BLM: variants seen among roughly 807,000 people sequenced by gnomAD.
BLM encodes BLM RecQ like helicase, also known as recQ-like DNA helicase BLM.
In BLM, 95 loss-of-function variants were observed where a neutral mutation model predicts 135.3. The observed-to-expected ratio is 0.70, with a 90% CI of 0.59 to 0.83. BLM has a LOEUF of 0.83. Ranked by LOEUF, BLM falls within the 40% of genes least tolerant of loss-of-function variation. The pLI is 0.00. For missense variants in BLM, 1,518 were observed against 1,663.9 expected (o/e 0.91, Z 1.53); for synonymous variants, 520 against 589.2 (o/e 0.88, Z 1.70).
chr15:90,747,784 G>A (rs1243830111), intron 2 of BLM: 1 of 340,798 alleles, frequency 2.9e-6, no homozygotes, highest in Non-Finnish European at 5.5e-6. Flanking sequence ...TAAGTTTTGG[G>A]GGGTTTTTTT....
At position 90,778,588 on chromosome 15, in the gene BLM, G is replaced by T. The variant is rs78574772; in HGVS notation, c.2556-4234G>T. ...TAATCTGCTTTCTATGTATAGATTT[G>T]CCTACTCTGGGTATCTCGTGTAAAT... On this transcript the variant is annotated intron_variant, in intron 12 of 21. Coordinates refer to ENST00000355112, the MANE Select transcript of BLM (RefSeq NM_000057.4). Among the ~76,000 whole-genome samples, 721 of 152,130 alleles carry T rather than the reference G, an allele frequency of 4.7e-3. 12 individuals are homozygous for T. Among genetic ancestry groups the T allele is most frequent in the East Asian group, 0.03 (155 of 5,182 alleles).
intron 1 of BLM, among the ~76,000 whole-genome samples, chr15:90,737,541 A>C (rs971870561): frequency 6.6e-6 from 1 of 152,230 alleles, no homozygotes; most frequent in African/African-American, 2.4e-5. Context: ...GTAATAAGAA[A>C]GTGCCTGATG....
At chr15:90,733,279 A>T (rs1355626759) in intron 1 of BLM, among the ~76,000 whole-genome samples, 1 of 152,202 alleles carries the variant, frequency 6.6e-6, no homozygotes, top group African/African-American at 2.4e-5. Flanking sequence ...ACTAAAATGA[A>T]ATGGATAATT....
In BLM at chr15:90,732,989, A is replaced by G. The variant is rs186799436; in HGVS notation, c.-4-14400A>G. Among the ~76,000 whole-genome samples, 269 of 152,306 alleles carry G rather than the reference A, an allele frequency of 1.8e-3. 1 individual carries two copies. Among genetic ancestry groups the G allele is most frequent in the African/African-American group, 5.8e-3 (243 of 41,576 alleles). On this transcript the variant is annotated intron_variant, in intron 1 of 21. Coordinates refer to ENST00000355112, the MANE Select transcript of BLM (RefSeq NM_000057.4). ...GCACCTGTAATCCCAGCTACTCGGG[A>G]TGCTGAGGCAGGAGAATTGCTTGAA...
At position 90,749,712 on chromosome 15, in the gene BLM, A is replaced by G; in HGVS notation, c.444A>G (p.Leu148=). ...KLEFSSSPDS[L]STINDWDDMD... The stretch of plus-strand genomic sequence containing the variant: ...AATTTAGTTCTTCACCAGATTCTTT[A>G]AGTACCATCAATGATTGGGATGATA... Residue 148 remains leucine, a synonymous_variant, in exon 3 of 22, where the codon TTA becomes TTG. Transcript: ENST00000355112. 1.9e-6 allele frequency: 3 copies of G among 1,614,198 alleles called. No homozygotes were observed. Among genetic ancestry groups the G allele is most frequent in the East Asian group, 2.2e-5 (1 of 44,884 alleles).
intron 1 of BLM, among the ~76,000 whole-genome samples, chr15:90,725,911 A>G (rs1211823843): frequency 6.6e-6 from 1 of 152,080 alleles, no homozygotes; most frequent in African/African-American, 2.4e-5. Context: ...ATATACGTAC[A>G]TACACATTTA....
At chr15:90,771,732 C>T (rs1047768901) in intron 12 of BLM, among the ~76,000 whole-genome samples, 12 of 151,726 alleles carry the variant, frequency 7.9e-5, no homozygotes, top group African/African-American at 2.7e-4. Context: ...CCTCTTACGC[C>T]GGATGCAATC....
At chr15:90,744,509 A>AT (rs1472670715) in intron 1 of BLM, among the ~76,000 whole-genome samples, 1 of 152,064 alleles carries the variant, frequency 6.6e-6, no homozygotes, top group Non-Finnish European at 1.5e-5. Context: ...AGTAACTGGG[A>AT]TTACAGGCAC....
intron 12 of BLM, among the ~76,000 whole-genome samples, chr15:90,775,704 G>T (rs1896459607): frequency 6.6e-6 from 1 of 151,888 alleles, no homozygotes; most frequent in Non-Finnish European, 1.5e-5. Flanking sequence ...TAGAGACGGG[G>T]TTTCACCATG....
chr15:90,791,227 C>A (rs977682532), intron 15 of BLM, among the ~76,000 whole-genome samples: 1 of 152,136 alleles, frequency 6.6e-6, no homozygotes, highest in Non-Finnish European at 1.5e-5. Context: ...CTGTCATATA[C>A]TACCATCTGG....
chr15:90,781,573 C>T (rs1287570898), intron 12 of BLM, among the ~76,000 whole-genome samples: 1 of 152,118 alleles, frequency 6.6e-6, no homozygotes, highest in African/African-American at 2.4e-5. Flanking sequence ...TTGCAGTGAG[C>T]CAAGATCGCA....
chr15:90,795,468 G>A (rs963349268), intron 16 of BLM, among the ~76,000 whole-genome samples: 19 of 151,278 alleles, frequency 1.3e-4, no homozygotes, highest in African/African-American at 4.1e-4. Flanking sequence ...CAACAAGAGC[G>A]AAACTCCATC....
At chr15:90,764,868 G>A (rs1168277239) in intron 8 of BLM, among the ~76,000 whole-genome samples, 1 of 152,072 alleles carries the variant, frequency 6.6e-6, no homozygotes, top group Non-Finnish European at 1.5e-5. Flanking sequence ...GATTACCTGA[G>A]GTCAGGAGTT....
rs955156052 is a variant in BLM, at chr15:90,773,128, C to T, written c.2555+3542C>T. On this transcript the variant is annotated intron_variant, in intron 12 of 21. Coordinates refer to ENST00000355112, the MANE Select transcript of BLM (RefSeq NM_000057.4). ...AAAAAAAAAAAAAAAAAGATAAAAG[C>T]GTAGACAGCAGCCGAGCGCAGTGGC... Among the ~76,000 whole-genome samples, 40 of 131,240 alleles carry T rather than the reference C, an allele frequency of 3.0e-4. 1 individual carries two copies. The highest frequency in any genetic ancestry group is 1.0e-3 in the African/African-American group (36 of 34,430). The allele number at this position is 131,240 out of a possible 152,430, so 86.1% of individuals were successfully genotyped here.
In BLM at chr15:90,760,669, T is replaced by C. The variant is rs1555419811; in HGVS notation, c.1296T>C (p.Pro432=). The part of the protein sequence containing the change: ...SLLGSLWRYR[P]DSLDGPMEGD... ...TTGGCTCATTGTGGAGATACAGGCC[T>C]GATTCACTTGATGGCCCTATGGAGG... Residue 432 remains proline, a synonymous_variant, in exon 7 of 22, where the codon CCT becomes CCC. Transcript: ENST00000355112. 6.2e-7 allele frequency: 1 copy of C among 1,614,038 alleles called. No individual in the cohort carries two copies.
At chr15:90,731,468 C>T (rs903709073) in intron 1 of BLM, among the ~76,000 whole-genome samples, 1 of 152,078 alleles carries the variant, frequency 6.6e-6, no homozygotes, top group Non-Finnish European at 1.5e-5. Context: ...GCCATAAGTG[C>T]TTAGAAGAAC....
chr15:90,798,250 C>T lies in BLM; in HGVS notation c.3271C>T (p.His1091Tyr), dbSNP rs766959096. The T allele has an allele frequency of 8.1e-6, 13 of 1,611,400 alleles. No homozygotes were observed. Among genetic ancestry groups the T allele is most frequent in the Non-Finnish European group, 1.1e-5 (13 of 1,177,966 alleles). The part of the protein sequence containing the change: ...VKSIVRFVQE[H>Y]SSSQGMRNIK... The stretch of plus-strand genomic sequence containing the variant: ...AAGTATTGTAAGATTTGTTCAAGAA[C>T]ATAGTTCATCACAAGGAATGAGAAA... Residue 1091 changes from histidine (H) to tyrosine (Y), a missense_variant, in exon 17 of 22, where the codon CAT becomes TAT. His to Tyr is a moderately conservative substitution (Grantham distance 83, BLOSUM62 2). Coordinates refer to ENST00000355112, the MANE Select transcript of BLM (RefSeq NM_000057.4).
intron 1 of BLM, among the ~76,000 whole-genome samples, chr15:90,730,484 C>G (rs1247301758): frequency 6.6e-6 from 1 of 151,996 alleles, no homozygotes; most frequent in East Asian, 1.9e-4. Flanking sequence ...GAGTCTTGCT[C>G]TGCCACCCAG....
chr15:90,803,066 G>A (rs1027422922), intron 17 of BLM, among the ~76,000 whole-genome samples: 2 of 151,764 alleles, frequency 1.3e-5, no homozygotes, highest in African/African-American at 4.8e-5. Flanking sequence ...AGGAGGCTGA[G>A]GCAGGAGGAT....
Sources: allele counts gnomAD v4.1 joint callset (sites outside exome capture counted in the v4.1 genomes callset), GRCh38; gene constraint gnomAD v4.1.1; transcripts MANE v1.5; gene names NCBI Gene and HGNC (gene_info 2026-07-23, HGNC 2026-07-21).